The following NUGGC variants were observed in gnomAD, a reference collection of about 807,000 sequenced individuals.
NUGGC encodes nuclear GTPase SLIP-GC.
A neutral mutation model predicts 92.6 loss-of-function variants in NUGGC; 58 were observed. The observed-to-expected ratio is 0.63, with a 90% CI of 0.51 to 0.78. The LOEUF is 0.78. NUGGC is among the 30% of genes least tolerant of loss of function. NUGGC has a pLI of 0.00. For missense variants in NUGGC, 925 were observed against 964.6 expected (o/e 0.96, Z 0.54); for synonymous variants, 376 against 366.4 (o/e 1.03, Z -0.30).
intron 12 of NUGGC, among the ~76,000 whole-genome samples, chr8:28,042,709 C>G (rs191169015): frequency 6.6e-6 from 1 of 152,186 alleles, no homozygotes; most frequent in Admixed American, 6.5e-5. Context: ...CTTAGTCATG[C>G]TCTTTTATTC....
intron 7 of NUGGC, among the ~76,000 whole-genome samples, chr8:28,062,676 A>G (rs1585590335): frequency 6.6e-6 from 1 of 152,210 alleles, no homozygotes; most frequent in African/African-American, 2.4e-5. Flanking sequence ...CAGTGGGCAG[A>G]GAATGGTCCA....
intron 1 of NUGGC, among the ~76,000 whole-genome samples, chr8:28,081,277 C>A (rs747318031): frequency 6.8e-4 from 104 of 152,032 alleles, no homozygotes; most frequent in Admixed American, 2.3e-3. Flanking sequence ...TGAGATCGCA[C>A]CACTGCACTC....
rs143450700 is a variant in NUGGC at position 28,063,775 on chromosome 8, T to C, written c.921+747A>G. 5.3e-5 allele frequency among the ~76,000 whole-genome samples: 8 copies of C among 152,324 alleles called. No individual in the cohort carries two copies. In the East Asian group the frequency reaches 1.5e-3, roughly 29 times the overall value. On this transcript the variant is annotated intron_variant, in intron 7 of 18. Coordinates refer to ENST00000413272, the MANE Select transcript of NUGGC (RefSeq NM_001010906.2). ...ACAATCATTCATCTAAACAAACCTG[T>C]GGAGTTTAAAGAACTGGATTCTTTG...
rs1301763703 is a variant in NUGGC at position 28,033,541 on chromosome 8, T to C, written c.1768A>G (p.Arg590Gly). The change falls in exon 14 of 19, where the codon AGG becomes GGG. Residue 590 changes from arginine to glycine, a missense_variant and splice_region_variant. Coordinates refer to ENST00000413272, the MANE Select transcript of NUGGC (RefSeq NM_001010906.2). The stretch of plus-strand genomic sequence containing the variant: ...GGTGCAAGATGAGAGATCCTTTACC[T>C]AAAAATGCTTCCAAAAACAGGGTCG... ...QIDPVFGSIF[R>G]TGKPTGSALM... The C allele has an allele frequency of 3.1e-6, 5 of 1,612,730 alleles. No homozygotes were observed. The highest frequency in any genetic ancestry group is 4.2e-6 in the Non-Finnish European group (5 of 1,179,522).
Position 28,047,604 on chromosome 8 carries a change from C to G in NUGGC, c.1215G>C (p.Leu405=). The change falls in exon 11 of 19, where the codon CTG becomes CTC. Residue 405 remains leucine, a synonymous_variant. Coordinates refer to ENST00000413272, the MANE Select transcript of NUGGC (RefSeq NM_001010906.2). ...CTTCCAGAACCTTGAAGTCAGCTGG[C>G]AGTTTTCTCTGAAGTGAGAGAGTCA... ...RILKEKLKRK[L]PADFKVLEAS... is the part of the protein sequence containing the mutation. 6.4e-7 allele frequency: 1 copy of G among 1,553,944 alleles called. No individual in the cohort carries two copies.
intron 6 of NUGGC, among the ~76,000 whole-genome samples, chr8:28,065,265 A>G (rs1563228707): frequency 7.1e-6 from 1 of 140,522 alleles, no homozygotes; most frequent in Non-Finnish European, 1.5e-5. Flanking sequence ...GGTTCACGCC[A>G]TTCTCCTGCC....
chr8:28,025,198 AC>A (rs1809226152), intron 18 of NUGGC, among the ~76,000 whole-genome samples: 4 of 151,880 alleles, frequency 2.6e-5, no homozygotes, highest in Admixed American at 1.3e-4. Context: ...GTGAATGTAA[AC>A]TCCCCAGTCT....
intron 1 of NUGGC, among the ~76,000 whole-genome samples, chr8:28,076,765 G>A (rs1563233817): frequency 6.6e-6 from 1 of 152,194 alleles, no homozygotes; most frequent in Non-Finnish European, 1.5e-5. Context: ...CAGAAGATGG[G>A]GGCAGGGGCC....
chr8:28,030,250 C>T lies in NUGGC; in HGVS notation c.2017+60G>A, dbSNP rs978270162. ...TTTGAGGGAGCCGCAGAAAAGGATG[C>T]GAAAGATGCTGACAGAAAGTCCCAG... On this transcript the variant is annotated intron_variant, in intron 16 of 18. Coordinates refer to ENST00000413272, the MANE Select transcript of NUGGC (RefSeq NM_001010906.2). 8.6e-5 allele frequency: 80 copies of T among 928,702 alleles called. 1 individual carries two copies. In the East Asian group the frequency reaches 1.1e-3, roughly 12 times the overall value. 57.5% of individuals were successfully genotyped at this position (928,702 alleles called of 1,614,324 possible).
intron 13 of NUGGC, among the ~76,000 whole-genome samples, chr8:28,040,467 A>G (rs1053794721): frequency 2.0e-5 from 3 of 152,158 alleles, no homozygotes; most frequent in Non-Finnish European, 4.4e-5. Context: ...CGGGGCTACA[A>G]GGTGGATGTT....
intron 7 of NUGGC, among the ~76,000 whole-genome samples, chr8:28,064,155 A>G (rs1340464531): frequency 1.3e-5 from 2 of 152,144 alleles, no homozygotes; most frequent in Non-Finnish European, 2.9e-5. Context: ...CAGCCAACAC[A>G]GTTGCAGCCT....
chr8:28,031,897 T>A (rs964284662), intron 14 of NUGGC, among the ~76,000 whole-genome samples: 2 of 152,264 alleles, frequency 1.3e-5, no homozygotes, highest in African/African-American at 4.8e-5. Flanking sequence ...ATCCTAGCTC[T>A]CTGCTCATGA....
Position 28,031,320 on chromosome 8 carries a change from G to C in NUGGC, c.1831C>G (p.Gln611Glu), listed in dbSNP as rs1351049429. Reference protein sequence around the residue: ...PHIDAFKQSLQEKMTEIGIRS... With the variant: ...PHIDAFKQSLEEKMTEIGIRS... ...ATCCCAATTTCTGTCATTTTCTCCT[G>C]CAGGGACTGCTTAAAAGCATCTATG... The change falls in exon 15 of 19, where the codon CAG becomes GAG. Residue 611 changes from glutamine (Q) to glutamate (E), a missense_variant. Physicochemically the swap from Gln to Glu is conservative, Grantham distance 29. Transcript: ENST00000413272. 5.6e-6 allele frequency: 9 copies of C among 1,613,728 alleles called. No individual in the cohort carries two copies. Among genetic ancestry groups the C allele is most frequent in the Non-Finnish European group, 6.8e-6 (8 of 1,179,736 alleles).
In NUGGC at chr8:28,023,386, C is replaced by T; in HGVS notation, c.2322G>A (p.Arg774=). 1 of 1,614,014 alleles carries T rather than the reference C, an allele frequency of 6.2e-7. No homozygotes were observed. The highest frequency in any genetic ancestry group is 8.5e-7 in the Non-Finnish European group (1 of 1,179,872). Residue 774 remains arginine, a synonymous_variant, in exon 19 of 19, where the codon AGG becomes AGA. Transcript: ENST00000413272. ...TTAGGAGGAATTCTTGCATGCCCTT[C>T]CTCAGCCGTGCATTCTCCGCGACCT... is the stretch of plus-strand genomic sequence containing the variant. The part of the protein sequence containing the change: ...LREVAENARL[R]KGMQEFLLRA...
rs34532311 is a variant in NUGGC, at chr8:28,023,069, CAA to C, written c.*246_*247del. Reference sequence around the variant, plus strand: ...TGGGTGACACAGCGAGACTCTGTCTCAAAAAAAAAAAAAAAAAAATTACCCAG... The same window carrying C: ...TGGGTGACACAGCGAGACTCTGTCTCAAAAAAAAAAAAAAAAATTACCCAG... On this transcript the variant is annotated 3_prime_UTR_variant, in exon 19 of 19. Transcript: ENST00000413272. The C allele has an allele frequency of 0.076, 17,000 of 225,120 alleles. No homozygotes were observed. The highest frequency in any genetic ancestry group is 0.11 in the Middle Eastern group (89 of 794). 13.9% of individuals were successfully genotyped at this position (225,120 alleles called of 1,614,324 possible).
intron 10 of NUGGC, among the ~76,000 whole-genome samples, chr8:28,048,860 CAAAAAA>C (rs60050826): frequency 0.33 from 36,715 of 109,812 alleles, 4,930 homozygotes; most frequent in East Asian, 0.51. Context: ...GATTCCATCT[CAAAAAA>C]AAAAAAAAAA....
At chr8:28,036,989 T>C (rs1809570034) in intron 13 of NUGGC, among the ~76,000 whole-genome samples, 1 of 152,270 alleles carries the variant, frequency 6.6e-6, no homozygotes, top group Admixed American at 6.5e-5. Flanking sequence ...TGTGCTTGGC[T>C]CAGAACCACT....
chr8:28,075,768 G>T (rs1451933659), intron 1 of NUGGC, among the ~76,000 whole-genome samples: 1 of 152,216 alleles, frequency 6.6e-6, no homozygotes, highest in African/African-American at 2.4e-5. Context: ...AACGGCTTCT[G>T]TATTTGGTGG....
chr8:28,074,414 T>C lies in NUGGC; in HGVS notation c.-4A>G. On this transcript the variant is annotated 5_prime_UTR_variant, in exon 2 of 19. Transcript: ENST00000413272. ...AAACATCCTTCGTTTCTGCCATTCCTTGTTACGTGAACTCCTGCTCTTCTC... is the reference window on the plus strand; with the variant it reads ...AAACATCCTTCGTTTCTGCCATTCCCTGTTACGTGAACTCCTGCTCTTCTC... 1.9e-6 allele frequency: 3 copies of C among 1,613,740 alleles called. No individual in the cohort carries two copies. Among genetic ancestry groups the C allele is most frequent in the Non-Finnish European group, 2.5e-6 (3 of 1,179,742 alleles).
Sources: allele counts gnomAD v4.1 joint callset (sites outside exome capture counted in the v4.1 genomes callset), GRCh38; gene constraint gnomAD v4.1.1; transcripts MANE v1.5; gene names NCBI Gene and HGNC (gene_info 2026-07-23, HGNC 2026-07-21).